ALLC: variants seen among roughly 807,000 people sequenced by gnomAD.
ALLC encodes the protein allantoicase.
In ALLC, 40 loss-of-function variants were observed where a neutral mutation model predicts 45.0. The ratio of observed to expected loss-of-function variants is 0.89; its 90% confidence interval spans 0.69 to 1.16. The LOEUF (loss-of-function observed/expected upper bound fraction) is 1.16, where lower values mean the gene tolerates loss of function less well. Ranked by LOEUF, ALLC falls within the 50% of genes most tolerant of loss-of-function variation. The pLI is 0.00. For missense variants in ALLC, 488 were observed against 493.1 expected, an observed-to-expected ratio of 0.99 and a Z score of 0.10; for synonymous variants, 176 against 178.1, an observed-to-expected ratio of 0.99 and a Z score of 0.09.
intron 1 of ALLC, among the ~76,000 whole-genome samples, chr2:3,663,205 A>C (rs1302258091): frequency 3.9e-5 from 6 of 152,346 alleles, no homozygotes; most frequent in Admixed American, 2.0e-4. Context: ...CTGGATAAAG[A>C]AAACATGGTG....
intron 3 of ALLC, 67 bp from the exon 4 acceptor site, chr2:3,678,401 T>C: frequency 7.3e-7 from 1 of 1,369,528 alleles, no homozygotes; most frequent in Non-Finnish European, 1.0e-6. Flanking sequence ...GGGACAGAAG[T>C]GGACTTGCTG....
chr2:3,673,121 C>T lies in ALLC; in HGVS notation c.34-954C>T, dbSNP rs983591289. On this transcript the variant is annotated intron_variant, in intron 2 of 11. Transcript: ENST00000252505. ...AGGCAGCTTGCTGGAGAGCAGCTGG[C>T]GGGCAGGGATGAGGTGCAGGGTGGT... is the stretch of plus-strand genomic sequence containing the variant. Among the ~76,000 whole-genome samples the T allele has an allele frequency of 3.9e-5, 6 of 152,150 alleles. 1 individual carries two copies. In the East Asian group the frequency reaches 5.8e-4, roughly 15 times the overall value.
rs879024979 is a variant in ALLC, at chr2:3,678,365, G to A, written c.85-103G>A. 1.9e-5 allele frequency: 18 copies of A among 963,822 alleles called. No individual in the cohort carries two copies. The East Asian group carries it at 2.2e-4, about 12-fold the overall frequency. 59.7% of individuals were successfully genotyped at this position (963,822 alleles called of 1,614,324 possible). On this transcript the variant is annotated intron_variant, in intron 3 of 11. Transcript: ENST00000252505. ...GGTGGCAGAGGCTCCCCTAGACCCCGGTTTGCACCGTTCCTCTGGCACTGT... is the reference window on the plus strand; with the variant it reads ...GGTGGCAGAGGCTCCCCTAGACCCCAGTTTGCACCGTTCCTCTGGCACTGT...
chr2:3,666,308 C>T (rs180760862), intron 1 of ALLC, among the ~76,000 whole-genome samples: 3 of 152,344 alleles, frequency 2.0e-5, no homozygotes, highest in East Asian at 3.9e-4. Context: ...TCCAGAGAAC[C>T]GCTGGTGTAT....
chr2:3,692,689 G>A (rs890408966), intron 7 of ALLC, among the ~76,000 whole-genome samples: 11 of 152,166 alleles, frequency 7.2e-5, no homozygotes, highest in Admixed American at 7.2e-4. Flanking sequence ...GTCTCTAGGG[G>A]ACCTGTGGAA....
intron 7 of ALLC, chr2:3,687,954 T>C (rs1188187258): frequency 6.6e-6 from 1 of 151,982 alleles, no homozygotes; most frequent in African/African-American, 2.4e-5. Context: ...TCTAATCTTC[T>C]TGTGCTCTTG....
chr2:3,680,133 G>A lies in ALLC; in HGVS notation c.298+139G>A, dbSNP rs78854765. ...TTGACTAAGGCTACTTTACTGTAAC[G>A]GGGCTGTAGGACCAGGACTCCTAGT... On this transcript the variant is annotated intron_variant, in intron 5 of 11. Coordinates refer to ENST00000252505, the MANE Select transcript of ALLC (RefSeq NM_018436.4). The surrounding 1 kb of genome is among the most constrained non-coding windows in gnomAD (Gnocchi z 4.0). 1.3e-3 allele frequency: 1,518 copies of A among 1,197,280 alleles called. 26 individuals carry two copies. The East Asian group carries it at 0.026, about 21-fold the overall frequency. 74.2% of individuals were successfully genotyped at this position (1,197,280 alleles called of 1,614,324 possible).
rs1202472005 is a variant in ALLC at position 3,679,860 on chromosome 2, GT to G, written c.173-7del. 1 of 1,613,798 alleles carries G rather than the reference GT, an allele frequency of 6.2e-7. No homozygotes were observed. The highest frequency in any genetic ancestry group is 1.1e-5 in the South Asian group (1 of 91,066). Reference sequence around the variant, plus strand: ...TAACGAGACTGCTCTTGTCCTCTGTGTTGCGCAGGTCACGACTGGTGTGTCC... The same window carrying G: ...TAACGAGACTGCTCTTGTCCTCTGTGTGCGCAGGTCACGACTGGTGTGTCC... On this transcript the variant is annotated splice_region_variant and splice_polypyrimidine_tract_variant and intron_variant, in intron 4 of 11. Coordinates refer to ENST00000252505, the MANE Select transcript of ALLC (RefSeq NM_018436.4).
chr2:3,656,542 C>T (rs753349182), upstream of ALLC, among the ~76,000 whole-genome samples: 1 of 152,220 alleles, frequency 6.6e-6, no homozygotes, highest in Non-Finnish European at 1.5e-5. Flanking sequence ...TTGATTTTAG[C>T]GTTAGAGAAG....
intron 1 of ALLC, among the ~76,000 whole-genome samples, chr2:3,664,866 A>G (rs1050418010): frequency 2.6e-5 from 4 of 151,502 alleles, no homozygotes; most frequent in African/African-American, 9.7e-5. Flanking sequence ...CCTGGGCAAC[A>G]AAGAAAGACT....
intron 1 of ALLC, among the ~76,000 whole-genome samples, chr2:3,670,139 G>A (rs1424997162): frequency 6.6e-6 from 1 of 152,158 alleles, no homozygotes; most frequent in Non-Finnish European, 1.5e-5. Flanking sequence ...TCCCATTCGT[G>A]CTCCTGACCA....
intron 1 of ALLC, among the ~76,000 whole-genome samples, chr2:3,667,845 A>G (rs1356074106): frequency 6.6e-6 from 1 of 152,090 alleles, no homozygotes; most frequent in Non-Finnish European, 1.5e-5. Flanking sequence ...GCTCACCGCA[A>G]CCTCCGCCTT....
At chr2:3,666,037 G>A (rs747021439) in intron 1 of ALLC, among the ~76,000 whole-genome samples, 14 of 152,220 alleles carry the variant, frequency 9.2e-5, no homozygotes, top group Admixed American at 2.6e-4. Context: ...GTAGGTTATC[G>A]GAGGCACACC....
In ALLC at chr2:3,672,868, C is replaced by T. The variant is rs561482764; in HGVS notation, c.34-1207C>T. 4.5e-3 allele frequency among the ~76,000 whole-genome samples: 689 copies of T among 152,342 alleles called. 3 individuals carry two copies. Among genetic ancestry groups the T allele is most frequent in the Middle Eastern group, 0.02 (6 of 294 alleles). Reference sequence around the variant, plus strand: ...ACTCATTAAACATAATGTGCAGAGGCGCTGGGGTGCAGGCTGTGCTCAGAA... The same window carrying T: ...ACTCATTAAACATAATGTGCAGAGGTGCTGGGGTGCAGGCTGTGCTCAGAA... On this transcript the variant is annotated intron_variant, in intron 2 of 11. Coordinates refer to ENST00000252505, the MANE Select transcript of ALLC (RefSeq NM_018436.4).
Position 3,669,725 on chromosome 2 carries a change from G to A in ALLC, c.-62-1371G>A, listed in dbSNP as rs1158949462. ...GTGGACAGGATGCTGCACAGACTGG[G>A]TGCGAGGAAGGGGTCTGAAGGTGCC... On this transcript the variant is annotated intron_variant, in intron 1 of 11. Transcript: ENST00000252505. Among the ~76,000 whole-genome samples, 10 of 152,176 alleles carry A rather than the reference G, an allele frequency of 6.6e-5. 1 individual carries two copies. Among genetic ancestry groups the A allele is most frequent in the Admixed American group, 3.3e-4 (5 of 15,270 alleles).
chr2:3,689,232 A>G (rs897460154), intron 7 of ALLC, among the ~76,000 whole-genome samples: 5 of 149,876 alleles, frequency 3.3e-5, no homozygotes, highest in African/African-American at 1.2e-4. Context: ...TCTGATCTTT[A>G]TTTTTTTCTT....
the ALLC span, among the ~76,000 whole-genome samples, chr2:3,650,631 G>T: frequency 6.6e-6 from 1 of 152,302 alleles, no homozygotes; most frequent in East Asian, 1.9e-4. Context: ...CCTTCCAGAT[G>T]CTCTGCTCCT....
At chr2:3,666,097 C>T (rs1022479702) in intron 1 of ALLC, among the ~76,000 whole-genome samples, 94 of 152,230 alleles carry the variant, frequency 6.2e-4, no homozygotes, top group African/African-American at 2.1e-3. Context: ...CTGCACCTCC[C>T]GTGCCCTCTG....
intron 10 of ALLC, among the ~76,000 whole-genome samples, chr2:3,700,688 T>C (rs4597541): frequency 0.13 from 20,399 of 152,214 alleles, 1,745 homozygotes; most frequent in African/African-American, 0.25. Context: ...TACATATGTA[T>C]GTATATCAGA....
Sources: allele counts gnomAD v4.1 joint callset (sites outside exome capture counted in the v4.1 genomes callset), GRCh38; gene constraint gnomAD v4.1.1; non-coding constraint Gnocchi (gnomAD v3.1); transcripts MANE v1.5; gene names NCBI Gene and HGNC (gene_info 2026-07-23, HGNC 2026-07-21).